NCAN: variants seen among roughly 807,000 people sequenced by gnomAD.
The protein encoded by NCAN is neurocan, also known as neurocan core protein.
In NCAN, 47 loss-of-function variants were observed where a neutral mutation model predicts 121.8. The observed-to-expected ratio is 0.39, with a 90% CI of 0.31 to 0.49. The LOEUF (loss-of-function observed/expected upper bound fraction) is 0.49, where lower values mean the gene tolerates loss of function less well. Ranked by LOEUF, NCAN falls within the 20% of genes least tolerant of loss-of-function variation. NCAN has a pLI of 0.92. For missense variants in NCAN, 1,517 were observed against 1,773.4 expected, an observed-to-expected ratio of 0.86 and a Z score of 2.60; for synonymous variants, 633 against 702.0, an observed-to-expected ratio of 0.90 and a Z score of 1.55.
chr19:19,245,274 G>T, intron 12 of NCAN, 39 bp from the exon 13 acceptor site: 1 of 1,608,774 alleles, frequency 6.2e-7, no homozygotes, highest in South Asian at 1.1e-5. Context: ...GGCTGGAACA[G>T]AGGTCCCCTG....
intron 3 of NCAN, among the ~76,000 whole-genome samples, chr19:19,220,008 C>T (rs771457107): frequency 7.2e-5 from 11 of 151,984 alleles, no homozygotes; most frequent in African/African-American, 9.7e-5. Flanking sequence ...GCCTGGGCCA[C>T]ACCGCGAGAC....
intron 1 of NCAN, among the ~76,000 whole-genome samples, chr19:19,216,315 AT>A (rs879701337): frequency 1.5e-3 from 209 of 137,418 alleles, no homozygotes; most frequent in Non-Finnish European, 1.5e-3. Context: ...AGCCCAGATA[AT>A]TTTTTTTTTT....
At position 19,219,344 on chromosome 19, in the gene NCAN, G is replaced by A. The variant is rs1348382596; in HGVS notation, c.475+28G>A. On this transcript the variant is annotated intron_variant, in intron 3 of 14. Transcript: ENST00000252575. ...CAGTTGGGGGCAAAGGAGGGGCCGG[G>A]GGCCGGGGAGAGGGAGGGCTGAGCC... The A allele has an allele frequency of 2.0e-6, 3 of 1,473,274 alleles. No homozygotes were observed. The South Asian group carries it at 4.0e-5, about 20-fold the overall frequency. The allele number at this position is 1,473,274 out of a possible 1,614,324, so 91.3% of individuals were successfully genotyped here.
intron 3 of NCAN, among the ~76,000 whole-genome samples, chr19:19,223,176 T>C (rs1281980363): frequency 6.6e-6 from 1 of 151,806 alleles, no homozygotes; most frequent in African/African-American, 2.4e-5. Flanking sequence ...CCACATTTGG[T>C]CTCCCATTGC....
At position 19,225,243 on chromosome 19, in the gene NCAN, G is replaced by C. The variant is rs539904806; in HGVS notation, c.1045G>C (p.Glu349Gln). 9.6e-6 allele frequency: 15 copies of C among 1,559,272 alleles called. No homozygotes were observed. In the African/African-American group the frequency reaches 2.1e-4, roughly 22 times the overall value. The change falls in exon 6 of 15, where the codon GAG becomes CAG. Residue 349 changes from glutamate to glutamine, a missense_variant. Transcript: ENST00000252575. The surrounding 1 kb of genome is among the most constrained non-coding windows in gnomAD (Gnocchi z 4.0). ...ANRTGFPSPA[E>Q]RFDAYCFRAH... ...CCGGACCGGCTTCCCCTCACCCGCC[G>C]AGCGCTTCGACGCCTACTGCTTCCG... is the stretch of plus-strand genomic sequence containing the variant.
intron 6 of NCAN, among the ~76,000 whole-genome samples, chr19:19,226,229 C>T (rs1338910919): frequency 6.6e-6 from 1 of 152,144 alleles, no homozygotes; most frequent in Non-Finnish European, 1.5e-5. Flanking sequence ...CGCGCCTGGC[C>T]CAAATTCTCT....
In NCAN at chr19:19,245,409, G is replaced by A. The variant is rs771839979; in HGVS notation, c.3589G>A (p.Asp1197Asn). 1.9e-5 allele frequency: 30 copies of A among 1,614,100 alleles called. No homozygotes were observed. Among genetic ancestry groups the A allele is most frequent in the South Asian group, 9.9e-5 (9 of 91,086 alleles). ...GGCGCATGAAAGCGGGCGCTGGAAC[G>A]ATGTCCCCTGCAACTACAACCTACC... ...MVAHESGRWN[D>N]VPCNYNLPYV... The change falls in exon 13 of 15, where the codon GAT becomes AAT. Residue 1197 changes from aspartate (D) to asparagine (N), a missense_variant. By Grantham distance (23) the Asp-to-Asn change is conservative. Coordinates refer to ENST00000252575, the MANE Select transcript of NCAN (RefSeq NM_004386.3).
intron 12 of NCAN, among the ~76,000 whole-genome samples, chr19:19,242,077 C>T (rs1329965096): frequency 6.6e-6 from 1 of 151,918 alleles, no homozygotes; most frequent in Non-Finnish European, 1.5e-5. Flanking sequence ...TACCTGGAAT[C>T]CCAGCTACTT....
chr19:19,247,475 G>A (rs1362993785), intron 13 of NCAN, among the ~76,000 whole-genome samples: 3 of 151,936 alleles, frequency 2.0e-5, no homozygotes, highest in African/African-American at 7.2e-5. Flanking sequence ...GGATGGTCTC[G>A]ATCTCCTGAC....
intron 11 of NCAN, among the ~76,000 whole-genome samples, chr19:19,239,004 C>T (rs1414037525): frequency 6.6e-6 from 1 of 152,004 alleles, no homozygotes; most frequent in Non-Finnish European, 1.5e-5. Context: ...TCCCTCGTGA[C>T]TCCTTCCTTT....
rs368061805 is a variant in NCAN at position 19,227,875 on chromosome 19, G to T, written c.2255G>T (p.Gly752Val). 8.9e-5 allele frequency: 143 copies of T among 1,613,584 alleles called. 1 individual carries two copies. The highest frequency in any genetic ancestry group is 1.1e-4 in the Non-Finnish European group (135 of 1,180,008). The change falls in exon 8 of 15, where the codon GGT (glycine) becomes GTT (valine). Residue 752 changes from glycine to valine, a missense_variant. Gly to Val is a moderately radical substitution (Grantham distance 109). Coordinates refer to ENST00000252575, the MANE Select transcript of NCAN (RefSeq NM_004386.3). This position sits in a 1 kb window ranked among gnomAD's most constrained non-coding sequence, Gnocchi z 4.2. ...GCCACTGAGCCAACGGGCCTCAGGG[G>T]TATCCCGGGGTCTGAGTCTGGGGTC... ...ETATEPTGLRGIPGSESGVFD... is the reference protein window; with the variant it reads ...ETATEPTGLRVIPGSESGVFD...
In NCAN at chr19:19,217,238, C is replaced by T. The variant is rs1211345071; in HGVS notation, c.73+212C>T. On this transcript the variant is annotated intron_variant, in intron 2 of 14. Coordinates refer to ENST00000252575, the MANE Select transcript of NCAN (RefSeq NM_004386.3). ...ATTGTCAGCAGAAGCTGGAGATTCCCGCCTCTCATCGTTTTGCTCAGATGA... is the reference window on the plus strand; with the variant it reads ...ATTGTCAGCAGAAGCTGGAGATTCCTGCCTCTCATCGTTTTGCTCAGATGA... 3.9e-5 allele frequency among the ~76,000 whole-genome samples: 6 copies of T among 152,128 alleles called. No homozygotes were observed. In the East Asian group the frequency reaches 5.8e-4, roughly 15 times the overall value.
chr19:19,220,693 G>A lies in NCAN; in HGVS notation c.475+1377G>A, dbSNP rs185670757. 2.8e-3 allele frequency among the ~76,000 whole-genome samples: 428 copies of A among 152,072 alleles called. 1 individual carries two copies. Among genetic ancestry groups the A allele is most frequent in the African/African-American group, 7.4e-3 (308 of 41,504 alleles). ...AGGATGGTCTTGATCTCCTGACCTC[G>A]TGATCTGCCCACCTCGGCCTCCCAA... On this transcript the variant is annotated intron_variant, in intron 3 of 14. Coordinates refer to ENST00000252575, the MANE Select transcript of NCAN (RefSeq NM_004386.3).
At chr19:19,222,269 A>T (rs2060819434) in intron 3 of NCAN, among the ~76,000 whole-genome samples, 1 of 152,160 alleles carries the variant, frequency 6.6e-6, no homozygotes, top group African/African-American at 2.4e-5. Context: ...AATTTCATTC[A>T]TTCAGCCAAA....
At chr19:19,234,594 A>G (rs933514063) in intron 9 of NCAN, among the ~76,000 whole-genome samples, 2 of 152,224 alleles carry the variant, frequency 1.3e-5, no homozygotes, top group Non-Finnish European at 2.9e-5. Context: ...GAGGAGCTCA[A>G]TGAATATCTA....
At chr19:19,232,146 G>A (rs991738333) in intron 8 of NCAN, among the ~76,000 whole-genome samples, 2 of 152,080 alleles carry the variant, frequency 1.3e-5, no homozygotes, top group African/African-American at 2.4e-5. Context: ...CTAAGGAAAC[G>A]GGGGTTGGAG....
In NCAN at chr19:19,227,972, A is replaced by C; in HGVS notation, c.2352A>C (p.Ser784=). ...TVDEVQDPWP[S]VYSKGLDASS... is the part of the protein sequence containing the mutation. ...ATGAGGTGCAGGACCCCTGGCCCTC[A>C]GTGTACAGCAAAGGGCTGGATGCAA... The change falls in exon 8 of 15, where the codon TCA becomes TCC. Residue 784 remains serine, a synonymous_variant. Coordinates refer to ENST00000252575, the MANE Select transcript of NCAN (RefSeq NM_004386.3). The surrounding 1 kb of genome is among the most constrained non-coding windows in gnomAD (Gnocchi z 4.2). 6.2e-7 allele frequency: 1 copy of C among 1,613,334 alleles called. No homozygotes were observed. The highest frequency in any genetic ancestry group is 8.5e-7 in the Non-Finnish European group (1 of 1,179,892).
intron 10 of NCAN, among the ~76,000 whole-genome samples, chr19:19,235,901 C>T (rs2060879481): frequency 6.6e-6 from 1 of 152,156 alleles, no homozygotes; most frequent in South Asian, 2.1e-4. Context: ...CACACACCAC[C>T]ATGCCTGGCT....
At chr19:19,219,448 A>C in intron 3 of NCAN, 132 bp downstream of exon 3, 1 of 1,026,752 alleles carries the variant, frequency 9.7e-7, no homozygotes, top group Non-Finnish European at 1.4e-6. Context: ...TAATCCCAGC[A>C]CTTTGGCAGG....
Sources: allele counts gnomAD v4.1 joint callset (sites outside exome capture counted in the v4.1 genomes callset), GRCh38; gene constraint gnomAD v4.1.1; non-coding constraint Gnocchi (gnomAD v3.1); transcripts MANE v1.5; gene names NCBI Gene and HGNC (gene_info 2026-07-23, HGNC 2026-07-21).